OXNAD1: variants seen among roughly 807,000 people sequenced by gnomAD.
The protein encoded by OXNAD1 is oxidoreductase NAD-binding domain-containing protein 1.
Under a neutral mutation model 32.9 loss-of-function variants are expected in OXNAD1, and 34 were observed. The observed-to-expected ratio is 1.03, with a 90% confidence interval of 0.79 to 1.38. The LOEUF is 1.38. OXNAD1 is among the 40% of genes most tolerant of loss of function. The probability of loss-of-function intolerance (pLI) is 0.00; values close to 1 mark genes in which losing one functional copy is unlikely to be tolerated. For synonymous variants in OXNAD1, 134 were observed against 135.2 expected (o/e 0.99, Z 0.06); for missense variants, 407 against 379.4 (o/e 1.07, Z -0.60).
intron 6 of OXNAD1, among the ~76,000 whole-genome samples, chr3:16,296,035 T>TA (rs1355296513): frequency 1.7e-4 from 26 of 152,258 alleles, no homozygotes; most frequent in African/African-American, 6.3e-4. Flanking sequence ...GGGTGGGACT[T>TA]ACAGCTCTTG....
chr3:16,326,379 C>A (rs1233367377), intron 9 of OXNAD1, among the ~76,000 whole-genome samples: 1 of 152,224 alleles, frequency 6.6e-6, no homozygotes, highest in Admixed American at 6.5e-5. Context: ...TAATACAATT[C>A]TACCTCATAG....
intron 5 of OXNAD1, among the ~76,000 whole-genome samples, chr3:16,291,562 G>A (rs532740443): frequency 2.0e-5 from 3 of 152,240 alleles, no homozygotes; most frequent in Non-Finnish European, 4.4e-5. Flanking sequence ...ATGATTTCAG[G>A]GTTCATCTAT....
rs1214321238 is a variant in OXNAD1, at chr3:16,297,002, A to G, written c.432+2005A>G. Among the ~76,000 whole-genome samples, 1 of 152,242 alleles carries G rather than the reference A, an allele frequency of 6.6e-6. No individual in the cohort carries two copies. The highest frequency in any genetic ancestry group is 1.9e-4 in the East Asian group (1 of 5,204). On this transcript the variant is annotated intron_variant, in intron 6 of 8. Coordinates refer to ENST00000285083, the MANE Select transcript of OXNAD1 (RefSeq NM_138381.5). The surrounding 1 kb of genome is among the most constrained non-coding windows in gnomAD (Gnocchi z 4.3). The stretch of plus-strand genomic sequence containing the variant: ...AAAAGGTTGATGATAGGACATGGTC[A>G]AAAGTAAAACTTTTTCTACAAAAGG...
rs11929469 is a variant in OXNAD1 at position 16,277,081 on chromosome 3, T to G, written c.183+5359T>G. Among the ~76,000 whole-genome samples, 36,042 of 151,870 alleles carry G rather than the reference T, an allele frequency of 0.24. 5,963 individuals are homozygous for G. Among genetic ancestry groups the G allele is most frequent in the African/African-American group, 0.48 (19,764 of 41,382 alleles). ...CTGGGATTACAGGCGCCTGCCACCA[T>G]GCCCGGCTAACTTTTTTTTGTATTT... On this transcript the variant is annotated intron_variant, in intron 4 of 8. Transcript: ENST00000285083. The surrounding 1 kb of genome is among the most constrained non-coding windows in gnomAD (Gnocchi z 4.3).
At position 16,303,130 on chromosome 3, in the gene OXNAD1, T is replaced by C. The variant is rs370117799; in HGVS notation, c.785-278T>C. Among the ~76,000 whole-genome samples, 1 of 152,238 alleles carries C rather than the reference T, an allele frequency of 6.6e-6. No homozygotes were observed. Among genetic ancestry groups the C allele is most frequent in the East Asian group, 1.9e-4 (1 of 5,202 alleles). Reference sequence around the variant, plus strand: ...GTTACTTCCTTTGCTGAAGGCAATTTGTATCTCCATCAAAGACCAGTAAGC... The same window carrying C: ...GTTACTTCCTTTGCTGAAGGCAATTCGTATCTCCATCAAAGACCAGTAAGC... On this transcript the variant is annotated intron_variant, in intron 8 of 8. Transcript: ENST00000285083. This position sits in a 1 kb window ranked among gnomAD's most constrained non-coding sequence, Gnocchi z 4.8.
chr3:16,296,807 T>A (rs2066831843), intron 6 of OXNAD1, among the ~76,000 whole-genome samples: 1 of 152,088 alleles, frequency 6.6e-6, no homozygotes, highest in Admixed American at 6.5e-5. Context: ...ACCAAAAACC[T>A]TCAACCTAAA....
intron 2 of OXNAD1, among the ~76,000 whole-genome samples, chr3:16,270,706 T>C (rs1054378369): frequency 7.2e-5 from 11 of 152,152 alleles, no homozygotes; most frequent in African/African-American, 2.4e-4. Flanking sequence ...ACATGAATAT[T>C]TGATAATACC....
intron 1 of OXNAD1, 137 bp from the exon 2 acceptor site, chr3:16,268,988 GA>G: frequency 7.1e-6 from 4 of 566,992 alleles, no homozygotes; most frequent in Non-Finnish European, 1.1e-5. Flanking sequence ...AATGGATGGA[GA>G]GGGGGTAATT....
intron 4 of OXNAD1, among the ~76,000 whole-genome samples, chr3:16,282,820 C>CTTTTTTTTTTT (rs11379565): frequency 1.4e-5 from 1 of 72,014 alleles, no homozygotes; most frequent in African/African-American, 5.6e-5. Context: ...GGACTTTCAG[C>CTTTTTTTTTTT]TTTTTTTTTT....
In OXNAD1 at chr3:16,335,027, T is replaced by G. The variant is rs557152672; in HGVS notation, c.*31-2085T>G. On this transcript the variant is annotated intron_variant, in intron 9 of 9. Transcript: ENST00000435829. The surrounding 1 kb of genome is among the most constrained non-coding windows in gnomAD (Gnocchi z 4.7). ...GGTAACAGATTGTCTCCTAAAAGTC[T>G]CCACAAAGAATGTGGTCCTGTCAAC... is the stretch of plus-strand genomic sequence containing the variant. 1.5e-4 allele frequency among the ~76,000 whole-genome samples: 23 copies of G among 152,320 alleles called. No homozygotes were observed. The highest frequency in any genetic ancestry group is 5.3e-4 in the African/African-American group (22 of 41,558).
At position 16,277,371 on chromosome 3, in the gene OXNAD1, G is replaced by A. The variant is rs1158185738; in HGVS notation, c.183+5649G>A. 1.3e-5 allele frequency among the ~76,000 whole-genome samples: 2 copies of A among 152,194 alleles called. No homozygotes were observed. The highest frequency in any genetic ancestry group is 2.4e-5 in the African/African-American group (1 of 41,442). On this transcript the variant is annotated intron_variant, in intron 4 of 8. Transcript: ENST00000285083. The surrounding 1 kb of genome is among the most constrained non-coding windows in gnomAD (Gnocchi z 4.3). The stretch of plus-strand genomic sequence containing the variant: ...GAACTTGCCCCAATCTCCAGAGGGT[G>A]CTCCTAGCCATAGAGTAGGGGCTGG...
Position 16,284,381 on chromosome 3 carries a change from C to A in OXNAD1, c.184-1961C>A, listed in dbSNP as rs2065941623. On this transcript the variant is annotated intron_variant, in intron 4 of 8. Coordinates refer to ENST00000285083, the MANE Select transcript of OXNAD1 (RefSeq NM_138381.5). This position sits in a 1 kb window ranked among gnomAD's most constrained non-coding sequence, Gnocchi z 4.1. ...CATTAGCTGATTGTCATTGTGCAGA[C>A]ATAGAGTGTACTTAAACAAACCTGG... Among the ~76,000 whole-genome samples the A allele has an allele frequency of 7.0e-6, 1 of 143,378 alleles. No individual in the cohort carries two copies. The allele number at this position is 143,378 out of a possible 152,430, so 94.1% of individuals were successfully genotyped here. A position where few individuals can be genotyped will look rare whatever the true frequency, so the allele number is the denominator to read the frequency against.
chr3:16,283,941 G>A (rs990523228), intron 4 of OXNAD1, among the ~76,000 whole-genome samples: 28 of 152,198 alleles, frequency 1.8e-4, no homozygotes, highest in African/African-American at 3.9e-4. Flanking sequence ...GACCCCAACC[G>A]TCAAAGGAGA....
In OXNAD1 at chr3:16,342,518, CAT is replaced by C. The variant is rs1257621236; in HGVS notation, c.*31-6655_*31-6654del. On this transcript the variant is annotated intron_variant, in intron 9 of 9. Transcript: ENST00000606098. The surrounding 1 kb of genome is among the most constrained non-coding windows in gnomAD (Gnocchi z 4.0). ...TAATGTACATAGGTCTTTATGTGGA[CAT>C]ATGTTTTCATTTCTCTTAAATATAG... 2.5e-4 allele frequency among the ~76,000 whole-genome samples: 38 copies of C among 152,094 alleles called. No homozygotes were observed. Among genetic ancestry groups the C allele is most frequent in the Non-Finnish European group, 1.5e-5 (1 of 68,026 alleles).
At chr3:16,310,811 GA>G (rs551937671), downstream of OXNAD1, among the ~76,000 whole-genome samples, 59 of 152,088 alleles carry the variant, frequency 3.9e-4, no homozygotes, top group African/African-American at 1.4e-3. Context: ...CCAACATGGA[GA>G]AACACTGTCT....
intron 2 of OXNAD1, among the ~76,000 whole-genome samples, chr3:16,270,312 A>G (rs1019530750): frequency 6.6e-6 from 1 of 152,288 alleles, no homozygotes; most frequent in South Asian, 2.1e-4. Flanking sequence ...TTCATTCAGT[A>G]TGTTATTTGT....
At position 16,320,551 on chromosome 3, in the gene OXNAD1, A is replaced by G. The variant is rs527654991; in HGVS notation, c.*31-16561A>G. ...ATGTCTGACTCTGCCTGGGAAGGATAAAATAATGATCACAAATAACTAAAA... is the reference window on the plus strand; with the variant it reads ...ATGTCTGACTCTGCCTGGGAAGGATGAAATAATGATCACAAATAACTAAAA... On this transcript the variant is annotated intron_variant, in intron 9 of 9. Coordinates refer to the OXNAD1 transcript ENST00000435829. This position sits in a 1 kb window ranked among gnomAD's most constrained non-coding sequence, Gnocchi z 4.5. 1.3e-5 allele frequency among the ~76,000 whole-genome samples: 2 copies of G among 152,254 alleles called. No homozygotes were observed. The highest frequency in any genetic ancestry group is 4.8e-5 in the African/African-American group (2 of 41,466).
At chr3:16,272,695 A>G (rs2065041223) in intron 4 of OXNAD1, among the ~76,000 whole-genome samples, 1 of 137,180 alleles carries the variant, frequency 7.3e-6, no homozygotes, top group Non-Finnish European at 1.5e-5. Flanking sequence ...AGTTTAGCAT[A>G]GTAGATTTAG....
At chr3:16,343,663 T>C (rs113269491) in intron 9 of OXNAD1, among the ~76,000 whole-genome samples, 7 of 152,356 alleles carry the variant, frequency 4.6e-5, no homozygotes, top group African/African-American at 9.6e-5. Flanking sequence ...GTCAAAGATA[T>C]CTGTTCTAAG....
Sources: allele counts gnomAD v4.1 joint callset (sites outside exome capture counted in the v4.1 genomes callset), GRCh38; gene constraint gnomAD v4.1.1; non-coding constraint Gnocchi (gnomAD v3.1); transcripts MANE v1.5; gene names NCBI Gene and HGNC (gene_info 2026-07-23, HGNC 2026-07-21).